The following FRY variants were observed in gnomAD, a reference collection of about 807,000 sequenced individuals.
FRY encodes FRY microtubule binding protein, also known as protein furry homolog.
In FRY, 128 loss-of-function variants were observed where a neutral mutation model predicts 348.4. The observed-to-expected ratio is 0.37, with a 90% CI of 0.32 to 0.43. The LOEUF (loss-of-function observed/expected upper bound fraction) is 0.43, where lower values mean the gene tolerates loss of function less well. Ranked by LOEUF, FRY falls within the 20% of genes least tolerant of loss-of-function variation. The pLI is 1.00. For synonymous variants in FRY, 1,370 were observed against 1,374.7 expected, an observed-to-expected ratio of 1.00 and a Z score of 0.08; for missense variants, 2,736 against 3,695.2, an observed-to-expected ratio of 0.74 and a Z score of 6.73.
intron 1 of FRY, among the ~76,000 whole-genome samples, chr13:32,055,780 CTTT>C (rs998779929): frequency 1.3e-5 from 2 of 152,118 alleles, no homozygotes; most frequent in African/African-American, 4.8e-5. Context: ...ATCAGGAAAA[CTTT>C]TTGGAAAAAG....
At chr13:32,117,874 G>T (rs1177386987) in intron 4 of FRY, among the ~76,000 whole-genome samples, 2 of 152,170 alleles carry the variant, frequency 1.3e-5, no homozygotes, top group Non-Finnish European at 2.9e-5. Flanking sequence ...TAGTGGGAAG[G>T]ACGCTGGACT....
chr13:32,214,187 A>G (rs144009234), intron 35 of FRY, among the ~76,000 whole-genome samples: 208 of 152,288 alleles, frequency 1.4e-3, no homozygotes, highest in African/African-American at 4.2e-3. Flanking sequence ...CTGTGCCCTC[A>G]GCCTAAAATC....
chr13:32,214,717 A>G (rs1056216320), intron 35 of FRY, among the ~76,000 whole-genome samples: 3 of 152,180 alleles, frequency 2.0e-5, no homozygotes, highest in South Asian at 4.1e-4. Flanking sequence ...TCAGTAACCC[A>G]TCTTGGAGGA....
At chr13:32,048,044 C>T (rs925977722) in intron 1 of FRY, among the ~76,000 whole-genome samples, 1 of 152,336 alleles carries the variant, frequency 6.6e-6, no homozygotes, top group African/African-American at 2.4e-5. Context: ...CAGTGGCATT[C>T]TGTAACTGCT....
In FRY at chr13:32,241,530, T is replaced by G. The variant is rs371817730; in HGVS notation, c.6687+1649T>G. On this transcript the variant is annotated intron_variant, in intron 46 of 60. Transcript: ENST00000542859. Reference sequence around the variant, plus strand: ...TAGTGGAGAATTATTATTTTGTGGGTACAGAATTTCAGTTTGGGATGATGA... The same window carrying G: ...TAGTGGAGAATTATTATTTTGTGGGGACAGAATTTCAGTTTGGGATGATGA... 3.3e-5 allele frequency among the ~76,000 whole-genome samples: 5 copies of G among 152,182 alleles called. No homozygotes were observed. In the South Asian group the frequency reaches 1.0e-3, roughly 31 times the overall value.
intron 35 of FRY, among the ~76,000 whole-genome samples, chr13:32,216,941 A>C (rs117500349): frequency 0.031 from 4,759 of 152,310 alleles, 144 homozygotes; most frequent in South Asian, 0.057. Flanking sequence ...AAAGTGAATG[A>C]AACCAAGCTC....
intron 31 of FRY, among the ~76,000 whole-genome samples, chr13:32,204,270 T>C (rs1884222781): frequency 1.3e-5 from 2 of 152,318 alleles, no homozygotes; most frequent in Middle Eastern, 6.8e-3. Flanking sequence ...GGCCCAGTCC[T>C]GGCATGGAAT....
At chr13:32,099,106 T>C (rs1284132692) in intron 2 of FRY, among the ~76,000 whole-genome samples, 1 of 151,810 alleles carries the variant, frequency 6.6e-6, no homozygotes, top group Admixed American at 6.6e-5. Context: ...AGTGAGAGGG[T>C]CTATGTGAGC....
At chr13:32,090,077 T>C (rs9567134) in intron 2 of FRY, among the ~76,000 whole-genome samples, 85,040 of 151,632 alleles carry the variant, frequency 0.56, 24,116 homozygotes, top group Admixed American at 0.63. Context: ...AGCCGGGCGC[T>C]GTGGCTCATG....
intron 36 of FRY, among the ~76,000 whole-genome samples, chr13:32,221,607 G>C (rs895832797): frequency 6.6e-6 from 1 of 152,174 alleles, no homozygotes; most frequent in Non-Finnish European, 1.5e-5. Context: ...CTACCTCTGG[G>C]GTGCAAGCAA....
chr13:32,047,135 A>G (rs1438526811), intron 1 of FRY, among the ~76,000 whole-genome samples: 1 of 152,262 alleles, frequency 6.6e-6, no homozygotes, highest in Non-Finnish European at 1.5e-5. Flanking sequence ...TCCTAGAGCC[A>G]TAACAATTAA....
At chr13:32,285,064 T>C (rs890021127) in intron 58 of FRY, among the ~76,000 whole-genome samples, 8 of 152,180 alleles carry the variant, frequency 5.3e-5, no homozygotes, top group Admixed American at 2.6e-4. Flanking sequence ...TCCAATTTTA[T>C]AAATCAAGCC....
chr13:32,261,931 C>T (rs1593816338), intron 52 of FRY, 115 bp downstream of exon 52: 5 of 974,016 alleles, frequency 5.1e-6, no homozygotes, highest in Middle Eastern at 2.6e-4. Flanking sequence ...GAACTAAAAT[C>T]GGAACTGTCA....
chr13:32,200,412 A>G lies in FRY; in HGVS notation c.3747-1529A>G, dbSNP rs114458581. The stretch of plus-strand genomic sequence containing the variant: ...AATAAATAGCAGTAACTCACCTTCT[A>G]CATATAAACCGTTTAATAGTTCAAC... On this transcript the variant is annotated intron_variant, in intron 29 of 60. Transcript: ENST00000542859. Among the ~76,000 whole-genome samples, 445 of 152,338 alleles carry G rather than the reference A, an allele frequency of 2.9e-3. 2 individuals are homozygous for G. Among genetic ancestry groups the G allele is most frequent in the African/African-American group, 0.01 (425 of 41,582 alleles).
At chr13:32,141,059 A>G (rs1390201238) in intron 11 of FRY, among the ~76,000 whole-genome samples, 1 of 152,166 alleles carries the variant, frequency 6.6e-6, no homozygotes, top group Non-Finnish European at 1.5e-5. Flanking sequence ...CATTTCTATA[A>G]TCTTGAGAAA....
intron 4 of FRY, among the ~76,000 whole-genome samples, chr13:32,120,386 G>A (rs1878578598): frequency 6.6e-6 from 1 of 152,000 alleles, no homozygotes; most frequent in Non-Finnish European, 1.5e-5. Context: ...CAATCAGTGT[G>A]TTAGTCAAGC....
chr13:32,281,485 C>G (rs1467750274), intron 58 of FRY, among the ~76,000 whole-genome samples: 3 of 152,162 alleles, frequency 2.0e-5, no homozygotes, highest in Non-Finnish European at 4.4e-5. Flanking sequence ...GCATAAAACA[C>G]CCAAGAGGGA....
rs368198643 is a variant in FRY, at chr13:32,236,066, C to A, written c.5716-12C>A. 231 of 1,580,542 alleles carry A rather than the reference C, an allele frequency of 1.5e-4. 1 individual carries two copies. The African/African-American group carries it at 2.3e-3, about 16-fold the overall frequency. ...CAAGCAATACAAAATGCTATCTTTG[C>A]ATGTTTGGCAGGGTTATGTAATGGA... is the stretch of plus-strand genomic sequence containing the variant. On this transcript the variant is annotated splice_polypyrimidine_tract_variant and intron_variant, in intron 42 of 60. Transcript: ENST00000542859.
chr13:32,141,165 G>C (rs929670065), intron 11 of FRY, among the ~76,000 whole-genome samples: 1 of 152,036 alleles, frequency 6.6e-6, no homozygotes, highest in Non-Finnish European at 1.5e-5. Flanking sequence ...TGACAAGCAC[G>C]TTATTTTCCA....
Sources: allele counts gnomAD v4.1 joint callset (sites outside exome capture counted in the v4.1 genomes callset), GRCh38; gene constraint gnomAD v4.1.1; transcripts MANE v1.5; gene names NCBI Gene and HGNC (gene_info 2026-07-23, HGNC 2026-07-21).